Variants in SCEL observed in about 807,000 individuals in gnomAD.
SCEL encodes the protein sciellin.
SCEL carries 113 observed loss-of-function variants against 117.6 expected under a neutral mutation model. That is an observed-to-expected ratio of 0.96 (90% CI 0.83 to 1.12). The LOEUF (loss-of-function observed/expected upper bound fraction) is 1.12, where lower values mean the gene tolerates loss of function less well. Ranked by LOEUF, SCEL falls within the 50% of genes most tolerant of loss-of-function variation. The pLI is 0.00. For missense variants in SCEL, 785 were observed against 810.8 expected (o/e 0.97, Z 0.39); for synonymous variants, 270 against 256.2 (o/e 1.05, Z -0.51).
At chr13:77,604,190 A>T (rs2087937070) in intron 18 of SCEL, 166 bp from the exon 19 acceptor site, 7 of 465,502 alleles carry the variant, frequency 1.5e-5, no homozygotes, top group Middle Eastern at 5.5e-4. Flanking sequence ...AATGGTCTTC[A>T]GCTCAAGTTG....
chr13:77,595,780 G>A (rs745461966), intron 12 of SCEL, among the ~76,000 whole-genome samples: 15 of 151,950 alleles, frequency 9.9e-5, no homozygotes, highest in Admixed American at 2.0e-4. Flanking sequence ...TGTTGTTAGA[G>A]GCAGCAACTT....
rs367865006 is a variant in SCEL at position 77,642,685 on chromosome 13, T to C, written c.1948-21T>C. On this transcript the variant is annotated intron_variant, in intron 31 of 32. Coordinates refer to ENST00000349847, the MANE Select transcript of SCEL (RefSeq NM_144777.3). ...GATTTCATTTACAATGGAAACTTTA[T>C]ATATGTATTTTTTTCTTTAGTGTGA... The C allele has an allele frequency of 8.0e-4, 1,097 of 1,364,174 alleles. 2 individuals carry two copies. The highest frequency in any genetic ancestry group is 1.6e-3 in the South Asian group (132 of 81,186). The allele number at this position is 1,364,174 out of a possible 1,614,324, so 84.5% of individuals were successfully genotyped here. A position where few individuals can be genotyped will look rare whatever the true frequency, so the allele number is the denominator to read the frequency against.
Position 77,640,539 on chromosome 13 carries a change from TTTCC to T in SCEL, c.1839-134_1839-131del, listed in dbSNP as rs557713662. ...TTACTAGAATAAATAAACTCCAAAC[TTTCC>T]TTGTTTTTTTGTGAAATTTTCTAAA... On this transcript the variant is annotated intron_variant, in intron 30 of 32. Coordinates refer to ENST00000349847, the MANE Select transcript of SCEL (RefSeq NM_144777.3). 1.2e-3 allele frequency: 480 copies of T among 403,006 alleles called. 1 individual carries two copies. The highest frequency in any genetic ancestry group is 8.9e-3 in the African/African-American group (433 of 48,418). 25.0% of individuals were successfully genotyped at this position (403,006 alleles called of 1,614,324 possible).
chr13:77,563,694 A>G, intron 4 of SCEL, 137 bp from the exon 5 acceptor site: 1 of 578,068 alleles, frequency 1.7e-6, no homozygotes, highest in Admixed American at 3.7e-5. Context: ...GGGTATTAGA[A>G]ATCTATCTTT....
chr13:77,589,666 CTT>C (rs2086762072), intron 10 of SCEL, among the ~76,000 whole-genome samples: 1 of 152,156 alleles, frequency 6.6e-6, no homozygotes, highest in Non-Finnish European at 1.5e-5. Context: ...GTTCTTGAAA[CTT>C]TGTGTTACCA....
In SCEL at chr13:77,559,864, G is replaced by A. The variant is rs1477731578; in HGVS notation, c.221+1G>A. The A allele has an allele frequency of 2.5e-6, 4 of 1,611,948 alleles. No homozygotes were observed. The highest frequency in any genetic ancestry group is 2.2e-5 in the South Asian group (2 of 90,958). On this transcript the variant is annotated splice_donor_variant, in intron 4 of 32. Transcript: ENST00000349847. LOFTEE classifies it high-confidence loss of function. ...ATAATTCCCATGATGCATTGGACAG[G>A]TGGGTGTTTAGACATGTTACATCAT...
chr13:77,635,748 A>T (rs1160305446), intron 29 of SCEL, among the ~76,000 whole-genome samples: 4 of 152,292 alleles, frequency 2.6e-5, no homozygotes, highest in East Asian at 1.9e-4. Flanking sequence ...TTATTTTTTT[A>T]AAAGTATATA....
chr13:77,612,682 A>T (rs2088750118), intron 22 of SCEL, among the ~76,000 whole-genome samples: 1 of 151,708 alleles, frequency 6.6e-6, no homozygotes, highest in Non-Finnish European at 1.5e-5. Context: ...CGTGAAAGAA[A>T]CAAAAATAAA....
chr13:77,635,817 A>G (rs935601151), intron 29 of SCEL, among the ~76,000 whole-genome samples: 1 of 152,120 alleles, frequency 6.6e-6, no homozygotes, highest in African/African-American at 2.4e-5. Flanking sequence ...TTCTCAAAGC[A>G]TAGTCTCTGG....
intron 1 of SCEL, among the ~76,000 whole-genome samples, chr13:77,538,618 G>A (rs2083537035): frequency 6.6e-6 from 1 of 152,106 alleles, no homozygotes; most frequent in Admixed American, 6.5e-5. Flanking sequence ...AAGGACATGA[G>A]TCATCCTTTT....
intron 1 of SCEL, among the ~76,000 whole-genome samples, chr13:77,542,884 G>A (rs2083781855): frequency 6.6e-6 from 1 of 151,968 alleles, no homozygotes; most frequent in African/African-American, 2.4e-5. Flanking sequence ...TATGGCATTT[G>A]TCCTTTTCCA....
At chr13:77,588,337 C>A (rs1294321372) in intron 9 of SCEL, among the ~76,000 whole-genome samples, 1 of 152,172 alleles carries the variant, frequency 6.6e-6, no homozygotes, top group Non-Finnish European at 1.5e-5. Context: ...CAGCCTGACT[C>A]TAGCCCACAT....
chr13:77,627,600 T>G (rs575933281), intron 27 of SCEL, among the ~76,000 whole-genome samples: 1 of 152,256 alleles, frequency 6.6e-6, no homozygotes, highest in African/African-American at 2.4e-5. Context: ...ATGAATGTAT[T>G]AAATCACACA....
chr13:77,618,898 G>A (rs2089250127), intron 27 of SCEL, among the ~76,000 whole-genome samples: 1 of 151,940 alleles, frequency 6.6e-6, no homozygotes, highest in African/African-American at 2.4e-5. Flanking sequence ...AGCTAGTGTG[G>A]GCCCACAAAA....
chr13:77,543,242 C>T (rs1428571182), intron 1 of SCEL, among the ~76,000 whole-genome samples: 2 of 151,720 alleles, frequency 1.3e-5, no homozygotes, highest in Non-Finnish European at 2.9e-5. Flanking sequence ...CACCACCACG[C>T]CCGGCTAATT....
chr13:77,564,493 A>C (rs1023215901), intron 5 of SCEL, among the ~76,000 whole-genome samples: 8 of 152,144 alleles, frequency 5.3e-5, no homozygotes, highest in African/African-American at 1.9e-4. Flanking sequence ...CAGGGAAAAT[A>C]GGGCAACTTC....
intron 1 of SCEL, among the ~76,000 whole-genome samples, chr13:77,540,757 T>C (rs1453830787): frequency 6.6e-6 from 1 of 152,200 alleles, no homozygotes; most frequent in Non-Finnish European, 1.5e-5. Context: ...TATGGCCTTG[T>C]CAGCCTTGTT....
rs926776087 is a variant in SCEL at position 77,538,219 on chromosome 13, C to T, written c.-20+2395C>T. Reference sequence around the variant, plus strand: ...GCAGCCTCCGCCTCCCATGTTCCAGCGATTCTCCTGCCTCAGCTTCCTGAG... The same window carrying T: ...GCAGCCTCCGCCTCCCATGTTCCAGTGATTCTCCTGCCTCAGCTTCCTGAG... On this transcript the variant is annotated intron_variant, in intron 1 of 32. Coordinates refer to ENST00000349847, the MANE Select transcript of SCEL (RefSeq NM_144777.3). 3.3e-5 allele frequency among the ~76,000 whole-genome samples: 5 copies of T among 151,394 alleles called. No individual in the cohort carries two copies. In the South Asian group the frequency reaches 6.3e-4, roughly 19 times the overall value.
chr13:77,615,121 C>T (rs1013380329), intron 24 of SCEL, among the ~76,000 whole-genome samples: 2 of 152,028 alleles, frequency 1.3e-5, no homozygotes, highest in African/African-American at 2.4e-5. Context: ...AAAAAGGAGA[C>T]ATATTGAAGA....
Sources: allele counts gnomAD v4.1 joint callset (sites outside exome capture counted in the v4.1 genomes callset), GRCh38; gene constraint gnomAD v4.1.1; transcripts MANE v1.5; gene names NCBI Gene and HGNC (gene_info 2026-07-23, HGNC 2026-07-21).